Variants in SYNE1 observed in about 807,000 individuals in gnomAD.
SYNE1 encodes nesprin-1.
A neutral mutation model predicts 1,111.0 loss-of-function variants in SYNE1; 616 were observed. The observed-to-expected ratio is 0.55, with a 90% CI of 0.52 to 0.59. The LOEUF (loss-of-function observed/expected upper bound fraction) is 0.59. Among genes scored for constraint, SYNE1 ranks in the 20% least tolerant of loss-of-function variants. SYNE1 has a pLI of 0.00. For synonymous variants in SYNE1, 3,855 were observed against 3,825.8 expected (o/e 1.01, Z -0.28); for missense variants, 10,006 against 10,417.0 (o/e 0.96, Z 1.72).
In SYNE1 at chr6:152,236,106, C is replaced by T; in HGVS notation, c.20396+1G>A. On this transcript the variant is annotated splice_donor_variant, in intron 110 of 145. Coordinates refer to ENST00000367255, the MANE Select transcript of SYNE1 (RefSeq NM_182961.4). LOFTEE classifies it high-confidence loss of function. ...AATATACAAAACAGTCATTGTATTA[C>T]CTGGTCCAGTGTTTCAATATTGTTT... 1 of 1,613,850 alleles carries T rather than the reference C, an allele frequency of 6.2e-7. No individual in the cohort carries two copies. Among genetic ancestry groups the T allele is most frequent in the Non-Finnish European group, 8.5e-7 (1 of 1,179,740 alleles).
chr6:152,408,366 C>T (rs547939672), intron 44 of SYNE1, among the ~76,000 whole-genome samples: 1 of 152,242 alleles, frequency 6.6e-6, no homozygotes, highest in East Asian at 1.9e-4. Context: ...ATGTAAATTA[C>T]AAGTGCAATG....
intron 121 of SYNE1, among the ~76,000 whole-genome samples, chr6:152,215,460 A>G (rs540536086): frequency 6.6e-6 from 1 of 152,258 alleles, no homozygotes; most frequent in Middle Eastern, 3.4e-3. Flanking sequence ...ATTTACTCAT[A>G]TGTAATTATA....
At chr6:152,214,295 T>A (rs952429590) in intron 122 of SYNE1, among the ~76,000 whole-genome samples, 2 of 152,160 alleles carry the variant, frequency 1.3e-5, no homozygotes, top group East Asian at 3.8e-4. Context: ...TTTAATATAT[T>A]CTCACTTAAA....
At chr6:152,625,301 G>A (rs1476706304) in intron 3 of SYNE1, among the ~76,000 whole-genome samples, 2 of 152,150 alleles carry the variant, frequency 1.3e-5, no homozygotes, top group Non-Finnish European at 2.9e-5. Context: ...TGGACTTAAA[G>A]CATTAGTAAA....
At chr6:152,429,540 A>ATT (rs2098408430) in intron 36 of SYNE1, among the ~76,000 whole-genome samples, 2 of 152,224 alleles carry the variant, frequency 1.3e-5, no homozygotes, top group Non-Finnish European at 2.9e-5. Context: ...ACACATGAAC[A>ATT]TGCAATATGA....
rs575649052 is a variant in SYNE1 at position 152,486,557 on chromosome 6, A to T, written c.1048-1585T>A. ...AATTTATTTTTTGATAATTGGTGCC[A>T]AACCTAAACCTCATCAGTGGACTAA... On this transcript the variant is annotated intron_variant, in intron 12 of 145. Transcript: ENST00000367255. Among the ~76,000 whole-genome samples the T allele has an allele frequency of 1.4e-4, 21 of 152,334 alleles. No individual in the cohort carries two copies. In the South Asian group the frequency reaches 4.4e-3, roughly 32 times the overall value.
chr6:152,149,501 G>A lies in SYNE1; in HGVS notation c.24618C>T (p.Tyr8206=), dbSNP rs373486168. 30 of 1,614,010 alleles carry A rather than the reference G, an allele frequency of 1.9e-5. No individual in the cohort carries two copies. Among genetic ancestry groups the A allele is most frequent in the Non-Finnish European group, 2.5e-5 (29 of 1,180,034 alleles). ...CQEVFGRVER[Y]HKKLIRLPLP... is the part of the protein sequence containing the mutation. ...CAGGCAGGCGGATCAGTTTCTTATG[G>A]TATCTTTCCACACGCCCGAAGACCT... The change falls in exon 136 of 146, where the codon TAC becomes TAT. Residue 8206 remains tyrosine, a synonymous_variant. Transcript: ENST00000367255.
intron 3 of SYNE1, among the ~76,000 whole-genome samples, chr6:152,566,006 A>T (rs1315901325): frequency 1.3e-5 from 2 of 152,224 alleles, no homozygotes; most frequent in Non-Finnish European, 2.9e-5. Flanking sequence ...AAGGAGAAAA[A>T]TAAGATACAA....
In SYNE1 at chr6:152,231,316, C is replaced by T. The variant is rs963295588; in HGVS notation, c.21039+75G>A. 7.8e-6 allele frequency: 12 copies of T among 1,537,958 alleles called. No individual in the cohort carries two copies. The African/African-American group carries it at 1.5e-4, about 19-fold the overall frequency. ...CAGTATAGCCACGCTACTTGTGAAC[C>T]CAGTCTTCCTTACAGAGTGTGCCTG... On this transcript the variant is annotated intron_variant, in intron 114 of 145. Coordinates refer to ENST00000367255, the MANE Select transcript of SYNE1 (RefSeq NM_182961.4).
rs2096243440 is a variant in SYNE1, at chr6:152,331,333, G to C, written c.13352C>G (p.Ala4451Gly). 6.2e-7 allele frequency: 1 copy of C among 1,614,184 alleles called. No homozygotes were observed. The highest frequency in any genetic ancestry group is 8.5e-7 in the Non-Finnish European group (1 of 1,180,034). Residue 4451 changes from alanine (A) to glycine (G), a missense_variant, in exon 78 of 146, where the codon GCC (alanine) becomes GGC (glycine). Transcript: ENST00000367255. ...GAGAAACTGGGTTTTCTCGGACAAGGCTTTGTTTAAGTACTTTCTTCGCTG... is the reference window on the plus strand; with the variant it reads ...GAGAAACTGGGTTTTCTCGGACAAGCCTTTGTTTAAGTACTTTCTTCGCTG... ...VGQRRKYLNK[A>G]LSEKTQFLMA...
chr6:152,448,023 T>C (rs2098607357), intron 28 of SYNE1, among the ~76,000 whole-genome samples: 1 of 152,234 alleles, frequency 6.6e-6, no homozygotes, highest in African/African-American at 2.4e-5. Flanking sequence ...TGAAAGTTCT[T>C]TTTTTCAACC....
chr6:152,462,708 G>C (rs369448940), intron 20 of SYNE1, 30 bp downstream of exon 20: 8 of 1,613,454 alleles, frequency 5.0e-6, no homozygotes, highest in African/African-American at 1.3e-5. Flanking sequence ...AACAGAGTAG[G>C]CTTTTCATTT....
At chr6:152,219,675 T>C (rs9397491) in intron 119 of SYNE1, among the ~76,000 whole-genome samples, 1 of 152,204 alleles carries the variant, frequency 6.6e-6, no homozygotes, top group Non-Finnish European at 1.5e-5. Context: ...ATATGTGTGG[T>C]CACATTATTG....
At chr6:152,280,772 A>G (rs1391429803) in intron 97 of SYNE1, among the ~76,000 whole-genome samples, 2 of 152,224 alleles carry the variant, frequency 1.3e-5, no homozygotes, top group African/African-American at 2.4e-5. Flanking sequence ...AACATTAGAA[A>G]GAAGATATAA....
At chr6:152,334,470 C>T (rs1047210451) in intron 76 of SYNE1, among the ~76,000 whole-genome samples, 197 bp from the exon 77 acceptor site, 23 of 152,138 alleles carry the variant, frequency 1.5e-4, no homozygotes, top group Admixed American at 1.0e-3. Context: ...TTAATTCCCA[C>T]GTGTGCAAGA....
chr6:152,214,193 CAAA>C (rs200066196), intron 122 of SYNE1, among the ~76,000 whole-genome samples: 3 of 59,894 alleles, frequency 5.0e-5, no homozygotes, highest in Admixed American at 1.8e-4. Flanking sequence ...AACTCCGTCT[CAAA>C]AAAAAAAAAA....
chr6:152,462,023 TATAAA>T (rs1324498382), intron 20 of SYNE1, among the ~76,000 whole-genome samples: 1 of 151,700 alleles, frequency 6.6e-6, no homozygotes, highest in Admixed American at 6.6e-5. Flanking sequence ...AGTATGGAAA[TATAAA>T]ATAAAATGTA....
intron 3 of SYNE1, among the ~76,000 whole-genome samples, chr6:152,589,491 A>C (rs1444540818): frequency 6.6e-6 from 1 of 152,188 alleles, no homozygotes; most frequent in Non-Finnish European, 1.5e-5. Flanking sequence ...TAATAAATGG[A>C]TCTAAACCGG....
chr6:152,489,325 G>A (rs1238113347), intron 11 of SYNE1, among the ~76,000 whole-genome samples: 1 of 152,156 alleles, frequency 6.6e-6, no homozygotes, highest in Non-Finnish European at 1.5e-5. Flanking sequence ...ACAGTGCTGT[G>A]ACACAGGTAA....
Sources: allele counts gnomAD v4.1 joint callset (sites outside exome capture counted in the v4.1 genomes callset), GRCh38; gene constraint gnomAD v4.1.1; transcripts MANE v1.5; gene names NCBI Gene and HGNC (gene_info 2026-07-23, HGNC 2026-07-21).